Variants in SLC22A15 observed in about 807,000 individuals in gnomAD.
The protein encoded by SLC22A15 is solute carrier family 22 member 15.
SLC22A15 carries 45 observed loss-of-function variants against 62.7 expected under a neutral mutation model. The ratio of observed to expected loss-of-function variants is 0.72; its 90% confidence interval spans 0.56 to 0.92. SLC22A15 has a LOEUF of 0.92. Among genes scored for constraint, SLC22A15 ranks in the 40% least tolerant of loss-of-function variants. The pLI is 0.00. For missense variants in SLC22A15, 622 were observed against 665.6 expected (o/e 0.93, Z 0.72); for synonymous variants, 264 against 267.0 (o/e 0.99, Z 0.11).
Position 116,031,475 on chromosome 1 carries a change from T to C in SLC22A15, c.838T>C (p.Ser280Pro). The C allele has an allele frequency of 6.2e-7, 1 of 1,614,018 alleles. No homozygotes were observed. The highest frequency in any genetic ancestry group is 8.5e-7 in the Non-Finnish European group (1 of 1,179,884). Residue 280 changes from serine (S) to proline (P), a missense_variant, in exon 6 of 12, where the codon TCA becomes CCA. Physicochemically the swap from Ser to Pro is moderately conservative, Grantham distance 74. Coordinates refer to ENST00000369503, the MANE Select transcript of SLC22A15 (RefSeq NM_018420.3). ...KRNRKLKCTF[S>P]LTHPANRSCR... ...GAACCGCAAACTCAAGTGCACGTTC[T>C]CACTAACACACCCAGCCAACAGGAG...
intron 8 of SLC22A15, among the ~76,000 whole-genome samples, chr1:116,042,099 C>CA (rs56109495): frequency 4.3e-4 from 62 of 145,278 alleles, no homozygotes; most frequent in African/African-American, 1.5e-3. Context: ...ATAACATTAA[C>CA]AAAAAAAAAA....
At chr1:116,031,624 T>C in intron 6 of SLC22A15, 43 bp downstream of exon 6, 1 of 1,605,484 alleles carries the variant, frequency 6.2e-7, no homozygotes, top group African/African-American at 1.3e-5. Context: ...TAACTAAGGT[T>C]GCTCGAGCTT....
chr1:116,029,184 A>T (rs1482655772), intron 5 of SLC22A15, among the ~76,000 whole-genome samples: 1 of 152,226 alleles, frequency 6.6e-6, no homozygotes, highest in Non-Finnish European at 1.5e-5. Context: ...AATCAGCAAC[A>T]TAAGAAGCCA....
chr1:116,020,645 C>A, intron 3 of SLC22A15, 76 bp from the exon 4 acceptor site: 1 of 1,113,846 alleles, frequency 9.0e-7, no homozygotes, highest in Non-Finnish European at 1.2e-6. Context: ...ATTTTATAAG[C>A]TAATGAATAT....
At chr1:116,049,826 G>A (rs574206695) in intron 8 of SLC22A15, among the ~76,000 whole-genome samples, 265 of 152,178 alleles carry the variant, frequency 1.7e-3, no homozygotes, top group Non-Finnish European at 3.0e-3. Context: ...TCTTTGAAAA[G>A]ATAAATATAA....
intron 8 of SLC22A15, among the ~76,000 whole-genome samples, chr1:116,054,755 C>A (rs947947931): frequency 6.6e-6 from 1 of 152,150 alleles, no homozygotes; most frequent in Non-Finnish European, 1.5e-5. Context: ...GAAACTCACT[C>A]AAAACTGCTC....
intron 8 of SLC22A15, among the ~76,000 whole-genome samples, chr1:116,053,106 G>C (rs1036622968): frequency 6.6e-6 from 1 of 152,196 alleles, no homozygotes; most frequent in South Asian, 2.1e-4. Context: ...AAACTACTCT[G>C]AGCTACAGGA....
At chr1:116,034,340 A>G (rs1321825743) in intron 6 of SLC22A15, among the ~76,000 whole-genome samples, 1 of 152,150 alleles carries the variant, frequency 6.6e-6, no homozygotes, top group African/African-American at 2.4e-5. Flanking sequence ...AGTTCCTACT[A>G]CCACCATTAC....
chr1:115,993,414 T>C (rs925198839), intron 2 of SLC22A15, among the ~76,000 whole-genome samples: 11 of 143,776 alleles, frequency 7.7e-5, no homozygotes, highest in African/African-American at 3.2e-4. Context: ...CTCCTGTGTG[T>C]GTGAGTGTGT....
intron 1 of SLC22A15, among the ~76,000 whole-genome samples, chr1:115,985,631 G>A (rs1394044337): frequency 2.6e-5 from 4 of 151,908 alleles, no homozygotes; most frequent in Non-Finnish European, 5.9e-5. Context: ...ATGGTCAGCT[G>A]GTGGTGTTAC....
intron 2 of SLC22A15, among the ~76,000 whole-genome samples, chr1:115,995,289 A>C (rs562507156): frequency 6.6e-6 from 1 of 152,298 alleles, no homozygotes; most frequent in African/African-American, 2.4e-5. Context: ...ACTATGGGGA[A>C]TCCCTTTCAG....
At chr1:116,038,007 GCCCCTGTGTAGA>G (rs1002004856) in intron 8 of SLC22A15, among the ~76,000 whole-genome samples, 13 of 152,156 alleles carry the variant, frequency 8.5e-5, no homozygotes, top group Admixed American at 4.6e-4. Context: ...CCTGATTACT[GCCCCTGTGTAGA>G]CATTCTGTAG....
chr1:116,026,760 C>G, intron 4 of SLC22A15, 133 bp from the exon 5 acceptor site: 11 of 923,556 alleles, frequency 1.2e-5, no homozygotes, highest in South Asian at 2.6e-5. Flanking sequence ...TTTTTCTTTT[C>G]TGGTGTGCCT....
rs778497225 is a variant in SLC22A15, at chr1:116,037,292, CT to C, written c.1086-10del. 13 of 1,608,330 alleles carry C rather than the reference CT, an allele frequency of 8.1e-6. No homozygotes were observed. The highest frequency in any genetic ancestry group is 1.1e-5 in the Non-Finnish European group (13 of 1,175,076). ...CTTAAGAGAACTGTGTAATTTCTTT[CT>C]ATTGTTTAGGTTTGGTCGGAAGCGA... On this transcript the variant is annotated splice_polypyrimidine_tract_variant and intron_variant, in intron 7 of 11. Coordinates refer to ENST00000369503, the MANE Select transcript of SLC22A15 (RefSeq NM_018420.3).
At chr1:116,021,996 G>A (rs1242309096) in intron 4 of SLC22A15, among the ~76,000 whole-genome samples, 2 of 152,148 alleles carry the variant, frequency 1.3e-5, no homozygotes, top group Admixed American at 6.5e-5. Context: ...TGAAGTGTAT[G>A]GGCTATTGTA....
At chr1:116,042,403 A>G (rs1462659220) in intron 8 of SLC22A15, among the ~76,000 whole-genome samples, 2 of 152,080 alleles carry the variant, frequency 1.3e-5, no homozygotes, top group Non-Finnish European at 2.9e-5. Flanking sequence ...GTTAAACACT[A>G]AACAGAAGAA....
At chr1:116,022,266 C>G (rs1656872472) in intron 4 of SLC22A15, among the ~76,000 whole-genome samples, 1 of 152,136 alleles carries the variant, frequency 6.6e-6, no homozygotes, top group East Asian at 1.9e-4. Flanking sequence ...AAAGCTTCCT[C>G]TGAGTCTTCA....
chr1:116,020,262 C>A (rs761046437), intron 3 of SLC22A15, among the ~76,000 whole-genome samples: 3,481 of 122,644 alleles, frequency 0.028, 53 homozygotes, highest in African/African-American at 0.037. Context: ...AAAAAAAAAA[C>A]ACACAGCTGG....
intron 8 of SLC22A15, among the ~76,000 whole-genome samples, chr1:116,045,979 G>T (rs1052029894): frequency 2.0e-5 from 3 of 151,988 alleles, no homozygotes; most frequent in Non-Finnish European, 2.9e-5. Context: ...TGATGAAAAT[G>T]ACATGTTAAT....
Sources: gnomAD v4.1 joint callset for allele counts (sites outside exome capture counted in the v4.1 genomes callset) on GRCh38, gnomAD v4.1.1 for gene constraint, MANE v1.5 for transcripts, NCBI Gene and HGNC (gene_info 2026-07-23, HGNC 2026-07-21) for gene names.